Variants in SEMA6A observed in about 807,000 individuals in gnomAD.
SEMA6A encodes semaphorin 6A.
SEMA6A carries 25 observed loss-of-function variants against 96.8 expected under a neutral mutation model. The observed-to-expected ratio is 0.26, with a 90% CI of 0.19 to 0.36. SEMA6A has a LOEUF of 0.36. Among genes scored for constraint, SEMA6A ranks in the 10% least tolerant of loss-of-function variants. SEMA6A has a pLI of 1.00. For missense variants in SEMA6A, 1,363 were observed against 1,323.1 expected, an observed-to-expected ratio of 1.03 and a Z score of -0.47; for synonymous variants, 612 against 518.0, an observed-to-expected ratio of 1.18 and a Z score of -2.46.
intron 1 of SEMA6A, among the ~76,000 whole-genome samples, chr5:116,536,147 G>A (rs759784877): frequency 6.2e-4 from 95 of 152,256 alleles, no homozygotes; most frequent in Admixed American, 1.9e-3. Context: ...GCAGCAGCCA[G>A]CATCAGTAAA....
At chr5:116,556,337 C>T (rs1192693008) in intron 1 of SEMA6A, among the ~76,000 whole-genome samples, 1 of 152,178 alleles carries the variant, frequency 6.6e-6, no homozygotes, top group African/African-American at 2.4e-5. Flanking sequence ...TGGACACTAT[C>T]ATCTCCTCAT....
chr5:116,473,551 G>T (rs1339254886), intron 16 of SEMA6A, among the ~76,000 whole-genome samples: 1 of 152,162 alleles, frequency 6.6e-6, no homozygotes, highest in Non-Finnish European at 1.5e-5. Flanking sequence ...ATCATCAGGG[G>T]TTTTAGTTTG....
At chr5:116,467,276 A>G (rs1179268730) in intron 18 of SEMA6A, among the ~76,000 whole-genome samples, 2 of 151,632 alleles carry the variant, frequency 1.3e-5, no homozygotes, top group African/African-American at 4.8e-5. Flanking sequence ...TCACAGAATG[A>G]GACTAAGAAG....
chr5:116,473,338 T>C (rs1268846078), intron 16 of SEMA6A, among the ~76,000 whole-genome samples: 2 of 152,216 alleles, frequency 1.3e-5, no homozygotes. Flanking sequence ...GCAGAGAAAA[T>C]GCAAGAGTTG....
At chr5:116,496,211 A>C in intron 5 of SEMA6A, 40 bp downstream of exon 5, 1 of 1,564,712 alleles carries the variant, frequency 6.4e-7, no homozygotes, top group Non-Finnish European at 8.8e-7. Context: ...CAAAAACTTA[A>C]CCCAAAGTGG....
At chr5:116,538,376 T>C (rs1323442236) in intron 1 of SEMA6A, among the ~76,000 whole-genome samples, 1 of 151,994 alleles carries the variant, frequency 6.6e-6, no homozygotes, top group East Asian at 1.9e-4. Context: ...TTTAATTTCA[T>C]ATTTTTTTTA....
chr5:116,551,606 A>G (rs1451128469), intron 1 of SEMA6A, among the ~76,000 whole-genome samples: 3 of 152,156 alleles, frequency 2.0e-5, no homozygotes, highest in African/African-American at 7.2e-5. Context: ...ACACAGCTAG[A>G]GAGTGATGGA....
intron 1 of SEMA6A, among the ~76,000 whole-genome samples, chr5:116,516,207 G>C (rs901091807): frequency 1.8e-4 from 27 of 152,190 alleles, no homozygotes; most frequent in African/African-American, 6.0e-4. Context: ...ATCATTTCAG[G>C]ATCTGCTCCA....
intron 1 of SEMA6A, among the ~76,000 whole-genome samples, chr5:116,505,250 T>A (rs968333149): frequency 1.3e-5 from 2 of 152,202 alleles, no homozygotes; most frequent in East Asian, 3.8e-4. Context: ...TAGGCTTTTA[T>A]AGATGGCTAT....
chr5:116,550,021 C>G (rs1252282030), intron 1 of SEMA6A: 1 of 152,070 alleles, frequency 6.6e-6, no homozygotes, highest in East Asian at 1.9e-4. Flanking sequence ...TAACCTTGTA[C>G]AAGCAGAAAA....
At position 116,558,452 on chromosome 5, in the gene SEMA6A, T is replaced by TAAATAGTATAAAAACAACACAA. The variant is rs1409326275; in HGVS notation, c.-39+15732_-39+15733insTTGTGTTGTTTTTATACTATTT. ...AATACCCATCATTTAAGGATTCTTT[T>TAAATAGTATAAAAACAACACAA]TTTTTTTTTTTTTTTTTTTTTGAGA... On this transcript the variant is annotated intron_variant, in intron 1 of 18. Coordinates refer to ENST00000343348, the MANE Select transcript of SEMA6A (RefSeq NM_020796.5). 4.5e-3 allele frequency among the ~76,000 whole-genome samples: 166 copies of TAAATAGTATAAAAACAACACAA among 36,496 alleles called. 3 individuals carry two copies. Among genetic ancestry groups the TAAATAGTATAAAAACAACACAA allele is most frequent in the Middle Eastern group, 0.017 (2 of 118 alleles). 23.9% of individuals were successfully genotyped at this position (36,496 alleles called of 152,430 possible).
Position 116,536,866 on chromosome 5 carries a change from T to TAAA in SEMA6A, c.-38-31887_-38-31885dup, listed in dbSNP as rs72214884. ...TTTATTCAGTCCCCGTGTGATTTCTTAAAAAAAAAAAAAAAAAAAAAAAAA... is the reference window on the plus strand; with the variant it reads ...TTTATTCAGTCCCCGTGTGATTTCTTAAAAAAAAAAAAAAAAAAAAAAAAAAAA... On this transcript the variant is annotated intron_variant, in intron 1 of 18. Transcript: ENST00000343348. Among the ~76,000 whole-genome samples, 615 of 69,440 alleles carry TAAA rather than the reference T, an allele frequency of 8.9e-3. 18 individuals carry two copies. The highest frequency in any genetic ancestry group is 0.011 in the African/African-American group (237 of 20,988). The allele number at this position is 69,440 out of a possible 152,430, so 45.6% of individuals were successfully genotyped here. A position where few individuals can be genotyped will look rare whatever the true frequency, so the allele number is the denominator to read the frequency against.
intron 18 of SEMA6A, among the ~76,000 whole-genome samples, chr5:116,459,269 C>T (rs1483282661): frequency 6.6e-6 from 1 of 152,148 alleles, no homozygotes; most frequent in African/African-American, 2.4e-5. Context: ...AAAATTGATG[C>T]AAAATTCCAT....
At chr5:116,553,891 G>A (rs908607357) in intron 1 of SEMA6A, among the ~76,000 whole-genome samples, 4 of 152,140 alleles carry the variant, frequency 2.6e-5, no homozygotes, top group African/African-American at 7.2e-5. Flanking sequence ...TTTAAAATAA[G>A]TAATTATAGA....
intron 12 of SEMA6A, 51 bp downstream of exon 12, chr5:116,480,071 C>T: frequency 1.3e-6 from 2 of 1,597,302 alleles, no homozygotes; most frequent in Non-Finnish European, 8.6e-7. Flanking sequence ...GGTTCTCCGA[C>T]ATGAGATGAA....
At chr5:116,525,138 T>G (rs1759164950) in intron 1 of SEMA6A, among the ~76,000 whole-genome samples, 1 of 152,204 alleles carries the variant, frequency 6.6e-6, no homozygotes, top group Admixed American at 6.5e-5. Flanking sequence ...AAGAAAATAT[T>G]TATTCAGCAC....
chr5:116,458,237 GATGAACACAGTGCCGTTGAACCA>G (rs1209724140), intron 18 of SEMA6A, among the ~76,000 whole-genome samples: 2 of 152,150 alleles, frequency 1.3e-5, no homozygotes, highest in East Asian at 3.8e-4. Flanking sequence ...ACAAAATCTA[GATGAACACAGTGCCGTTGAACCA>G]ATTAAAGAGC....
chr5:116,458,584 T>A (rs1755164265), intron 18 of SEMA6A, among the ~76,000 whole-genome samples: 2 of 152,134 alleles, frequency 1.3e-5, no homozygotes, highest in South Asian at 4.1e-4. Context: ...ATAATCATAA[T>A]TTAAGTCCTT....
chr5:116,446,599 C>CCCT lies in SEMA6A; in HGVS notation c.*11_*13dup, dbSNP rs893183621. The CCCT allele has an allele frequency of 2.7e-6, 4 of 1,465,190 alleles. No homozygotes were observed. The African/African-American group carries it at 4.2e-5, about 16-fold the overall frequency. 90.8% of individuals were successfully genotyped at this position (1,465,190 alleles called of 1,614,324 possible). On this transcript the variant is annotated 3_prime_UTR_variant, in exon 19 of 19. Coordinates refer to ENST00000343348, the MANE Select transcript of SEMA6A (RefSeq NM_020796.5). ...TTGCCTGCTGGTTCGACACCTGACCCCCTCCCCCTGGGATTATGTACACGC... is the reference window on the plus strand; with the variant it reads ...TTGCCTGCTGGTTCGACACCTGACCCCCTCCTCCCCCTGGGATTATGTACACGC...
Sources: gnomAD v4.1 joint callset for allele counts (sites outside exome capture counted in the v4.1 genomes callset) on GRCh38, gnomAD v4.1.1 for gene constraint, MANE v1.5 for transcripts, NCBI Gene and HGNC (gene_info 2026-07-23, HGNC 2026-07-21) for gene names.